The following PLCH2 variants were observed in gnomAD, a reference collection of about 807,000 sequenced individuals.
The protein encoded by PLCH2 is phospholipase C eta 2, also known as 1-phosphatidylinositol 4,5-bisphosphate phosphodiesterase eta-2.
A neutral mutation model predicts 134.7 loss-of-function variants in PLCH2; 98 were observed. That is an observed-to-expected ratio of 0.73 (90% confidence interval 0.62 to 0.86). PLCH2 has a LOEUF of 0.86. PLCH2 is among the 40% of genes least tolerant of loss of function. The pLI is 0.00. For missense variants in PLCH2, 1,994 were observed against 1,986.6 expected, an observed-to-expected ratio of 1.00 and a Z score of -0.07; for synonymous variants, 974 against 827.5, an observed-to-expected ratio of 1.18 and a Z score of -3.04.
intron 5 of PLCH2, among the ~76,000 whole-genome samples, chr1:2,485,759 G>A (rs1007742984): frequency 2.6e-5 from 4 of 152,166 alleles, no homozygotes; most frequent in Non-Finnish European, 4.4e-5. Flanking sequence ...CTGAGGGCGA[G>A]GATGGGAGTG....
At chr1:2,489,458 G>A in intron 9 of PLCH2, 80 bp downstream of exon 9, 6 of 1,473,710 alleles carry the variant, frequency 4.1e-6, no homozygotes, top group Non-Finnish European at 5.6e-6. Flanking sequence ...AGACAGGCAG[G>A]GGCATCATGC....
the PLCH2 span, among the ~76,000 whole-genome samples, chr1:2,419,196 T>G: frequency 6.6e-6 from 1 of 152,144 alleles, no homozygotes; most frequent in African/African-American, 2.4e-5. Context: ...ATCTGTCCCC[T>G]CCCAGGCTGC....
chr1:2,477,826 G>T (rs1007005297), intron 1 of PLCH2, among the ~76,000 whole-genome samples: 1 of 152,228 alleles, frequency 6.6e-6, no homozygotes, highest in Non-Finnish European at 1.5e-5. Flanking sequence ...CATTCGTGGC[G>T]CTTGTTGCAC....
chr1:2,470,867 G>T (rs1186858294), intron 1 of PLCH2, among the ~76,000 whole-genome samples: 1 of 152,158 alleles, frequency 6.6e-6, no homozygotes, highest in Non-Finnish European at 1.5e-5. Context: ...GCTCCTCTGG[G>T]GTGTCCTGGA....
At chr1:2,426,190 A>G (rs567704119) in intron 1 of PLCH2, among the ~76,000 whole-genome samples, 1 of 152,316 alleles carries the variant, frequency 6.6e-6, no homozygotes, top group Admixed American at 6.5e-5. Flanking sequence ...ATCTGTGCAG[A>G]TGTCAGCGCG....
chr1:2,503,636 A>G (rs1190182470), intron 21 of PLCH2: 2 of 695,484 alleles, frequency 2.9e-6, no homozygotes, highest in Non-Finnish European at 5.2e-6. Flanking sequence ...GAGAGCGGCG[A>G]GTGACAGGTA....
In PLCH2 at chr1:2,502,260, A is replaced by G; in HGVS notation, c.2810A>G (p.Gln937Arg). 3 of 1,541,484 alleles carry G rather than the reference A, an allele frequency of 1.9e-6. No homozygotes were observed. The highest frequency in any genetic ancestry group is 2.5e-5 in the East Asian group (1 of 40,630). The change falls in exon 21 of 22, where the codon CAG becomes CGG. Residue 937 changes from glutamine (Q) to arginine (R), a missense_variant. Transcript: ENST00000378486. ...RRTASAPTKS[Q>R]KPGRRGFPEL... ...ACGGCCAGCGCCCCGACCAAGAGCC[A>G]GAAGCCGGGCCGCAGGGGCTTCCCG... is the stretch of plus-strand genomic sequence containing the variant.
intron 2 of PLCH2, among the ~76,000 whole-genome samples, chr1:2,432,428 C>T (rs1008328322): frequency 2.6e-5 from 4 of 152,210 alleles, no homozygotes; most frequent in African/African-American, 9.6e-5. Context: ...TGACAGCACA[C>T]CCCGTCCCCT....
intron 8 of PLCH2, among the ~76,000 whole-genome samples, chr1:2,488,027 C>A (rs781775859): frequency 6.6e-6 from 1 of 152,240 alleles, no homozygotes; most frequent in African/African-American, 2.4e-5. Context: ...TGTGTCCAGA[C>A]TCAATTGGCT....
chr1:2,478,618 C>T lies in PLCH2; in HGVS notation c.267C>T (p.Ala89=), dbSNP rs371399805. Reference sequence around the variant, plus strand: ...GGCCCTCACGCAAGAACGAGAAGGCCAAGAGTGAGTGGGAGCCCTGGGGTG... The same window carrying T: ...GGCCCTCACGCAAGAACGAGAAGGCTAAGAGTGAGTGGGAGCCCTGGGGTG... ...RWRPSRKNEK[A]KISIDSIQEV... Residue 89 remains alanine, a synonymous_variant, in exon 2 of 22, where the codon GCC becomes GCT. Transcript: ENST00000378486. 3.0e-5 allele frequency: 49 copies of T among 1,608,556 alleles called. No individual in the cohort carries two copies. The African/African-American group carries it at 5.2e-4, about 17-fold the overall frequency.
chr1:2,467,035 T>G (rs1041543860), upstream of PLCH2, among the ~76,000 whole-genome samples: 3 of 152,134 alleles, frequency 2.0e-5, no homozygotes, highest in African/African-American at 7.2e-5. Context: ...GAGGCCCTCC[T>G]GGGGTGAGTG....
At position 2,489,276 on chromosome 1, in the gene PLCH2, G is replaced by A. The variant is rs1337813736; in HGVS notation, c.1305G>A (p.Leu435=). 1.2e-6 allele frequency: 2 copies of A among 1,613,752 alleles called. No individual in the cohort carries two copies. Among genetic ancestry groups the A allele is most frequent in the Non-Finnish European group, 1.7e-6 (2 of 1,179,874 alleles). Residue 435 remains leucine (L), a synonymous_variant, in exon 9 of 22, where the codon CTG becomes CTA. Coordinates refer to ENST00000378486, the MANE Select transcript of PLCH2 (RefSeq NM_014638.4). ...AGCAGAAGAAAATGGCCCAGTATCT[G>A]ACTGACATCCTTGGGGACAAGCTGG... ...VIQQKKMAQY[L]TDILGDKLDL...
Position 2,498,254 on chromosome 1 carries a change from C to A in PLCH2, c.2225-269C>A, listed in dbSNP as rs1308487924. On this transcript the variant is annotated intron_variant, in intron 16 of 21. Coordinates refer to ENST00000378486, the MANE Select transcript of PLCH2 (RefSeq NM_014638.4). The surrounding 1 kb of genome is among the most constrained non-coding windows in gnomAD (Gnocchi z 5.4). ...CCCCTCATACCCCCAGGGACCCAGA[C>A]CCACCCCCAGAAGCCATGTGACCTC... is the stretch of plus-strand genomic sequence containing the variant. The A allele has an allele frequency of 8.7e-6, 4 of 457,206 alleles. No individual in the cohort carries two copies. Among genetic ancestry groups the A allele is most frequent in the Admixed American group, 3.8e-5 (1 of 26,248 alleles). The allele number at this position is 457,206 out of a possible 1,614,324, so 28.3% of individuals were successfully genotyped here.
chr1:2,480,156 G>C (rs370560182), intron 3 of PLCH2, 27 bp from the exon 4 acceptor site: 10 of 1,611,784 alleles, frequency 6.2e-6, no homozygotes, highest in African/African-American at 1.3e-5. Flanking sequence ...CCCATGGATC[G>C]CTGTTGGCCC....
At chr1:2,418,163 C>T in the PLCH2 span, among the ~76,000 whole-genome samples, 2 of 152,192 alleles carry the variant, frequency 1.3e-5, no homozygotes, top group African/African-American at 4.8e-5. Flanking sequence ...GAATTCCGGG[C>T]AGAGCCCACG....
At chr1:2,485,824 C>G (rs879272803) in intron 5 of PLCH2, among the ~76,000 whole-genome samples, 6 of 152,140 alleles carry the variant, frequency 3.9e-5, no homozygotes, top group Non-Finnish European at 7.4e-5. Flanking sequence ...TACCCAGGAT[C>G]TCCCAGCAGT....
intron 2 of PLCH2, among the ~76,000 whole-genome samples, chr1:2,438,606 G>A (rs549676115): frequency 1.4e-4 from 22 of 152,308 alleles, no homozygotes; most frequent in African/African-American, 4.1e-4. Context: ...TCTCCACATC[G>A]TCTTTGCCGA....
intron 1 of PLCH2, among the ~76,000 whole-genome samples, chr1:2,469,910 C>G (rs1641247195): frequency 6.6e-6 from 1 of 152,170 alleles, no homozygotes; most frequent in South Asian, 2.1e-4. Context: ...GTGAAGACCC[C>G]GAGAGGGGGC....
At chr1:2,484,155 G>A (rs1642168555) in intron 4 of PLCH2, among the ~76,000 whole-genome samples, 1 of 152,164 alleles carries the variant, frequency 6.6e-6, no homozygotes, top group African/African-American at 2.4e-5. Context: ...TGGCTTCCGT[G>A]TGGGTAGTGT....
Sources: allele counts gnomAD v4.1 joint callset (sites outside exome capture counted in the v4.1 genomes callset), GRCh38; gene constraint gnomAD v4.1.1; non-coding constraint Gnocchi (gnomAD v3.1); transcripts MANE v1.5; gene names NCBI Gene and HGNC (gene_info 2026-07-23, HGNC 2026-07-21).